Variants in SLC9A9 observed in about 807,000 individuals in gnomAD.
SLC9A9 encodes the protein sodium/hydrogen exchanger 9.
In SLC9A9, 62 loss-of-function variants were observed where a neutral mutation model predicts 77.8. The observed-to-expected ratio is 0.80, with a 90% CI of 0.65 to 0.98. SLC9A9 has a LOEUF of 0.98. Ranked by LOEUF, SLC9A9 falls within the 50% of genes least tolerant of loss-of-function variation. The probability of loss-of-function intolerance (pLI) is 0.00; values close to 1 mark genes in which losing one functional copy is unlikely to be tolerated. For missense variants in SLC9A9, 775 were observed against 774.9 expected (o/e 1.00, Z 0.00); for synonymous variants, 320 against 283.5 (o/e 1.13, Z -1.29).
intron 4 of SLC9A9, among the ~76,000 whole-genome samples, chr3:143,778,529 G>A (rs1367048421): frequency 6.6e-6 from 1 of 151,958 alleles, no homozygotes; most frequent in Admixed American, 6.6e-5. Flanking sequence ...CAGTGCCTAA[G>A]TACATCCCTT....
intron 4 of SLC9A9, among the ~76,000 whole-genome samples, chr3:143,722,984 AT>A (rs757178555): frequency 2.6e-5 from 4 of 151,772 alleles, no homozygotes; most frequent in Non-Finnish European, 5.9e-5. Context: ...AATGCTACCT[AT>A]TTTTTTCTGT....
intron 14 of SLC9A9, among the ~76,000 whole-genome samples, chr3:143,287,128 G>A (rs1018767843): frequency 4.8e-5 from 7 of 145,124 alleles, no homozygotes; most frequent in African/African-American, 2.0e-4. Flanking sequence ...TGTGTGTGGA[G>A]CGGGGTGCAG....
chr3:143,353,155 T>C (rs1280552671), intron 14 of SLC9A9, among the ~76,000 whole-genome samples: 1 of 152,172 alleles, frequency 6.6e-6, no homozygotes, highest in Non-Finnish European at 1.5e-5. Flanking sequence ...CCTTACAGAT[T>C]CCTACTCTTT....
intron 12 of SLC9A9, among the ~76,000 whole-genome samples, chr3:143,385,963 C>T (rs1299602505): frequency 2.0e-5 from 3 of 152,178 alleles, no homozygotes; most frequent in African/African-American, 7.2e-5. Context: ...ACTGGACCCC[C>T]TCCCTCCAAA....
At chr3:143,689,273 G>T (rs1368157350) in intron 5 of SLC9A9, among the ~76,000 whole-genome samples, 3 of 152,082 alleles carry the variant, frequency 2.0e-5, no homozygotes, top group East Asian at 1.9e-4. Flanking sequence ...CTGTCAAAAT[G>T]TGAAAAGCTA....
At chr3:143,616,055 T>G (rs2038099885) in intron 6 of SLC9A9, among the ~76,000 whole-genome samples, 1 of 151,990 alleles carries the variant, frequency 6.6e-6, no homozygotes, top group African/African-American at 2.4e-5. Context: ...TAATTTTTTT[T>G]GGTATTTTTC....
chr3:143,827,396 A>G (rs1472020826), intron 2 of SLC9A9, among the ~76,000 whole-genome samples: 7 of 152,300 alleles, frequency 4.6e-5, no homozygotes, highest in Non-Finnish European at 1.5e-5. Flanking sequence ...GTTTTCACCA[A>G]TCTTTAAGTG....
intron 14 of SLC9A9, among the ~76,000 whole-genome samples, chr3:143,350,189 C>G (rs2032409904): frequency 6.6e-6 from 1 of 152,164 alleles, no homozygotes; most frequent in African/African-American, 2.4e-5. Flanking sequence ...CCTGCCTGGC[C>G]CTTTCTCTCT....
intron 13 of SLC9A9, among the ~76,000 whole-genome samples, chr3:143,373,682 T>A (rs1396411068): frequency 6.8e-6 from 1 of 147,604 alleles, no homozygotes; most frequent in Non-Finnish European, 1.5e-5. Context: ...AATTAAAAAT[T>A]TACTAGATCA....
intron 12 of SLC9A9, among the ~76,000 whole-genome samples, chr3:143,432,334 G>A (rs1434066800): frequency 2.6e-5 from 4 of 152,126 alleles, no homozygotes; most frequent in African/African-American, 9.7e-5. Context: ...GCCCTGGAAA[G>A]GTTCTCAGTG....
chr3:143,709,413 G>A (rs1430065007), intron 4 of SLC9A9, among the ~76,000 whole-genome samples: 3 of 152,226 alleles, frequency 2.0e-5, no homozygotes, highest in South Asian at 4.2e-4. Context: ...AGGAGGTCTG[G>A]GGTGGGGCCT....
At chr3:143,824,457 C>T (rs1344951054) in intron 2 of SLC9A9, among the ~76,000 whole-genome samples, 2 of 152,176 alleles carry the variant, frequency 1.3e-5, no homozygotes, top group Non-Finnish European at 2.9e-5. Flanking sequence ...CTCAGTGAGG[C>T]CTTCTCTGCA....
intron 7 of SLC9A9, 60 bp from the exon 8 acceptor site, chr3:143,574,253 C>T (rs2037319350): frequency 1.4e-6 from 2 of 1,381,688 alleles, no homozygotes; most frequent in African/African-American, 1.4e-5. Flanking sequence ...TCCTTCTTGG[C>T]TGAGAATAAA....
intron 4 of SLC9A9, among the ~76,000 whole-genome samples, chr3:143,769,670 T>C (rs1196938544): frequency 3.9e-5 from 6 of 152,192 alleles, no homozygotes; most frequent in Admixed American, 3.9e-4. Flanking sequence ...AATACAAGAA[T>C]ATAGCAGCAA....
chr3:143,571,875 TAAAC>T (rs2037263118), intron 8 of SLC9A9, among the ~76,000 whole-genome samples: 1 of 152,336 alleles, frequency 6.6e-6, no homozygotes, highest in East Asian at 1.9e-4. Context: ...GATTAAATAA[TAAAC>T]AAACAAACAC....
At chr3:143,844,773 CT>C (rs2009795878) in intron 1 of SLC9A9, among the ~76,000 whole-genome samples, 2 of 143,360 alleles carry the variant, frequency 1.4e-5, no homozygotes, top group Admixed American at 7.0e-5. Flanking sequence ...TTCTTTCTTT[CT>C]TTCTTTCTTT....
chr3:143,504,074 G>A (rs191639698), intron 9 of SLC9A9: 246 of 502,504 alleles, frequency 4.9e-4, no homozygotes, highest in African/African-American at 4.6e-3. Context: ...CTGATGACAA[G>A]CTTCCCGTTC....
At chr3:143,278,024 C>A (rs1247602787) in intron 14 of SLC9A9, among the ~76,000 whole-genome samples, 1 of 152,142 alleles carries the variant, frequency 6.6e-6, no homozygotes, top group Non-Finnish European at 1.5e-5. Context: ...CTGGGTCCCC[C>A]GCTTGGCTCC....
intron 6 of SLC9A9, among the ~76,000 whole-genome samples, chr3:143,638,549 GC>G (rs1464966227): frequency 6.6e-6 from 1 of 152,178 alleles, no homozygotes; most frequent in Non-Finnish European, 1.5e-5. Context: ...CTTCAATACT[GC>G]CTGCCATTCT....
Sources: allele counts gnomAD v4.1 joint callset (sites outside exome capture counted in the v4.1 genomes callset), GRCh38; gene constraint gnomAD v4.1.1; transcripts MANE v1.5; gene names NCBI Gene and HGNC (gene_info 2026-07-23, HGNC 2026-07-21).